Variants in BABAM2 observed in about 807,000 individuals in gnomAD.
The protein encoded by BABAM2 is BRISC and BRCA1-A complex member 2.
A neutral mutation model predicts 54.7 loss-of-function variants in BABAM2; 31 were observed. That is an observed-to-expected ratio of 0.57 (90% CI 0.43 to 0.77). The LOEUF is 0.77. Among genes scored for constraint, BABAM2 ranks in the 30% least tolerant of loss-of-function variants. The probability of loss-of-function intolerance (pLI) is 0.00; values close to 1 mark genes in which losing one functional copy is unlikely to be tolerated. For synonymous variants in BABAM2, 167 were observed against 162.9 expected (o/e 1.03, Z -0.19); for missense variants, 364 against 455.8 (o/e 0.80, Z 1.83).
At chr2:28,184,077 A>G (rs1042696785) in intron 7 of BABAM2, among the ~76,000 whole-genome samples, 17 of 152,306 alleles carry the variant, frequency 1.1e-4, no homozygotes, top group Non-Finnish European at 2.1e-4. Flanking sequence ...ATGGATCAGT[A>G]ACACTTTGAC....
chr2:27,947,747 G>A lies in BABAM2; in HGVS notation c.205+17839G>A, dbSNP rs1669407069. Among the ~76,000 whole-genome samples, 12 of 152,194 alleles carry A rather than the reference G, an allele frequency of 7.9e-5. No individual in the cohort carries two copies. The South Asian group carries it at 2.5e-3, about 32-fold the overall frequency. On this transcript the variant is annotated intron_variant, in intron 3 of 11. Transcript: ENST00000379624. ...AATGTTTTATAGCTTTAGGTTTTAT[G>A]TTCAGGTTTGTGATCCATTTTGAGT...
intron 5 of BABAM2, among the ~76,000 whole-genome samples, chr2:28,029,875 G>A (rs1381358426): frequency 6.6e-6 from 1 of 152,080 alleles, no homozygotes; most frequent in Non-Finnish European, 1.5e-5. Flanking sequence ...TGTTTATATG[G>A]CTCATAAGGA....
chr2:27,902,234 G>A (rs148105559), intron 2 of BABAM2, among the ~76,000 whole-genome samples: 7 of 152,264 alleles, frequency 4.6e-5, no homozygotes, highest in African/African-American at 1.7e-4. Context: ...AAAATCAATT[G>A]AGTGAGTCAC....
chr2:28,250,631 G>C (rs1460486547), intron 10 of BABAM2, among the ~76,000 whole-genome samples: 2 of 134,918 alleles, frequency 1.5e-5, no homozygotes, highest in African/African-American at 5.5e-5. Flanking sequence ...ACGGGGTCTC[G>C]CTCTGTCGCC....
At chr2:28,064,086 A>G (rs753656649) in intron 6 of BABAM2, among the ~76,000 whole-genome samples, 4 of 152,218 alleles carry the variant, frequency 2.6e-5, no homozygotes, top group African/African-American at 9.6e-5. Flanking sequence ...TCAATGCTTC[A>G]CATATTCTTT....
intron 10 of BABAM2, among the ~76,000 whole-genome samples, chr2:28,277,956 G>C (rs1291827363): frequency 6.6e-6 from 1 of 152,174 alleles, no homozygotes; most frequent in Non-Finnish European, 1.5e-5. Flanking sequence ...ATGTCCTAGA[G>C]CTCAGTCTTG....
chr2:28,205,625 A>G (rs1228583277), intron 7 of BABAM2, among the ~76,000 whole-genome samples: 1 of 152,222 alleles, frequency 6.6e-6, no homozygotes, highest in African/African-American at 2.4e-5. Flanking sequence ...ACCAGAGCCC[A>G]CCATTTGAGC....
intron 10 of BABAM2, among the ~76,000 whole-genome samples, chr2:28,278,997 C>G (rs1193465992): frequency 6.6e-6 from 1 of 152,164 alleles, no homozygotes; most frequent in African/African-American, 2.4e-5. Flanking sequence ...AGCCCGTCCT[C>G]TTTTGAGAAT....
rs568267950 is a variant in BABAM2 at position 28,136,882 on chromosome 2, A to G, written c.680+7502A>G. Among the ~76,000 whole-genome samples, 5 of 152,280 alleles carry G rather than the reference A, an allele frequency of 3.3e-5. No homozygotes were observed. The East Asian group carries it at 9.7e-4, about 29-fold the overall frequency. ...GGGAACTGAAAATTAAAATAATACT[A>G]CTTAAAATTATGAATGAGTAAGGAT... is the stretch of plus-strand genomic sequence containing the variant. On this transcript the variant is annotated intron_variant, in intron 7 of 11. Coordinates refer to ENST00000379624, the MANE Select transcript of BABAM2 (RefSeq NM_199191.3).
Position 28,244,725 on chromosome 2 carries a change from AC to A in BABAM2, c.852-53del, listed in dbSNP as rs898794380. 77 of 1,490,260 alleles carry A rather than the reference AC, an allele frequency of 5.2e-5. No homozygotes were observed. In the African/African-American group the frequency reaches 1.0e-3, roughly 19 times the overall value. 92.3% of individuals were successfully genotyped at this position (1,490,260 alleles called of 1,614,324 possible). A position where few individuals can be genotyped will look rare whatever the true frequency, so the allele number is the denominator to read the frequency against. ...CTTTACTTGGTTTTATTGCTTTTAT[AC>A]CTTAATTTTATGAGGGTTTTTTTTG... is the stretch of plus-strand genomic sequence containing the variant. On this transcript the variant is annotated intron_variant, in intron 9 of 11. Coordinates refer to ENST00000379624, the MANE Select transcript of BABAM2 (RefSeq NM_199191.3).
intron 10 of BABAM2, among the ~76,000 whole-genome samples, chr2:28,264,821 A>C (rs1432003029): frequency 6.6e-6 from 1 of 152,178 alleles, no homozygotes; most frequent in Non-Finnish European, 1.5e-5. Flanking sequence ...CTAACGTTCA[A>C]AGACAGTTTA....
intron 6 of BABAM2, among the ~76,000 whole-genome samples, chr2:28,069,431 G>T (rs543545735): frequency 6.6e-6 from 1 of 152,230 alleles, no homozygotes; most frequent in East Asian, 1.9e-4. Context: ...GAATATAATG[G>T]ATTAAAGAGT....
intron 11 of BABAM2, among the ~76,000 whole-genome samples, chr2:28,331,121 G>A (rs1170387944): frequency 2.0e-5 from 3 of 152,112 alleles, no homozygotes; most frequent in Admixed American, 1.3e-4. Context: ...CTAGCCATAC[G>A]CAGAAATTTG....
chr2:28,002,196 T>G (rs1200273584), intron 4 of BABAM2, among the ~76,000 whole-genome samples: 2 of 152,200 alleles, frequency 1.3e-5, no homozygotes, highest in Admixed American at 6.5e-5. Flanking sequence ...CACGCTGATA[T>G]TACTCTTAGG....
At chr2:28,213,182 A>G (rs936307293) in intron 7 of BABAM2, among the ~76,000 whole-genome samples, 1 of 152,092 alleles carries the variant, frequency 6.6e-6, no homozygotes, top group African/African-American at 2.4e-5. Flanking sequence ...AGCCCAGATC[A>G]TGCTACTGGA....
At chr2:28,155,476 A>G (rs1221312909) in intron 7 of BABAM2, among the ~76,000 whole-genome samples, 1 of 152,160 alleles carries the variant, frequency 6.6e-6, no homozygotes, top group Non-Finnish European at 1.5e-5. Flanking sequence ...TAATGCAAGC[A>G]GATGAGAATC....
intron 6 of BABAM2, among the ~76,000 whole-genome samples, chr2:28,051,161 G>A (rs1677970184): frequency 6.6e-6 from 1 of 152,088 alleles, no homozygotes; most frequent in Non-Finnish European, 1.5e-5. Flanking sequence ...CTTACTTGTT[G>A]GATGCTGCTT....
At chr2:28,026,907 A>AT (rs1675835074) in intron 5 of BABAM2, among the ~76,000 whole-genome samples, 11 of 34,342 alleles carry the variant, frequency 3.2e-4, no homozygotes, top group African/African-American at 8.6e-4. Context: ...AATATATATA[A>AT]ATATATATTA....
At chr2:28,331,616 G>A (rs368516534) in intron 11 of BABAM2, among the ~76,000 whole-genome samples, 2 of 152,130 alleles carry the variant, frequency 1.3e-5, no homozygotes, top group African/African-American at 2.4e-5. Flanking sequence ...ACCACAATGA[G>A]ATACCATCTC....
Sources: allele counts gnomAD v4.1 joint callset (sites outside exome capture counted in the v4.1 genomes callset), GRCh38; gene constraint gnomAD v4.1.1; transcripts MANE v1.5; gene names NCBI Gene and HGNC (gene_info 2026-07-23, HGNC 2026-07-21).